Variants in FAM241A observed in about 807,000 individuals in gnomAD.
FAM241A encodes uncharacterized protein FAM241A.
In FAM241A, 7 loss-of-function variants were observed where a neutral mutation model predicts 12.2. That is an observed-to-expected ratio of 0.58 (90% CI 0.33 to 1.08). The LOEUF (loss-of-function observed/expected upper bound fraction) is 1.08, where lower values mean the gene tolerates loss of function less well. FAM241A is among the 50% of genes least tolerant of loss of function. The pLI, the probability that FAM241A is intolerant of heterozygous loss-of-function variation, is 0.04. For missense variants in FAM241A, 161 were observed against 169.7 expected (o/e 0.95, Z 0.29); for synonymous variants, 74 against 68.2 (o/e 1.08, Z -0.42).
intron 1 of FAM241A, among the ~76,000 whole-genome samples, chr4:112,177,499 C>G (rs1578378090): frequency 6.6e-6 from 1 of 152,042 alleles, no homozygotes; most frequent in African/African-American, 2.4e-5. Flanking sequence ...GGTCAGTGTC[C>G]AGACATTTAA....
Position 112,190,371 on chromosome 4 carries a change from G to A in FAM241A, c.*3433G>A, listed in dbSNP as rs1026825573. 1 of 151,746 alleles carries A rather than the reference G, an allele frequency of 6.6e-6. No homozygotes were observed. The highest frequency in any genetic ancestry group is 2.4e-5 in the African/African-American group (1 of 41,294). The allele number at this position is 151,746 out of a possible 1,614,324, so 9.4% of individuals were successfully genotyped here. A position where few individuals can be genotyped will look rare whatever the true frequency, so the allele number is the denominator to read the frequency against. On this transcript the variant is annotated 3_prime_UTR_variant, in exon 2 of 2. Coordinates refer to ENST00000309733, the MANE Select transcript of FAM241A (RefSeq NM_152400.3). Reference sequence around the variant, plus strand: ...ATTACCAATTTATGGCTTTACAATTGAAGGGAGAAAAAAAAATGTAAGACG... The same window carrying A: ...ATTACCAATTTATGGCTTTACAATTAAAGGGAGAAAAAAAAATGTAAGACG...
chr4:112,156,938 G>A (rs1170874458), intron 1 of FAM241A, among the ~76,000 whole-genome samples: 1 of 152,076 alleles, frequency 6.6e-6, no homozygotes, highest in Non-Finnish European at 1.5e-5. Context: ...TTTGAATTCT[G>A]TTTTTTGTTT....
chr4:112,153,011 C>T (rs932014273), intron 1 of FAM241A, among the ~76,000 whole-genome samples: 15 of 152,042 alleles, frequency 9.9e-5, no homozygotes, highest in Non-Finnish European at 1.5e-4. Context: ...TCTGGTTTTC[C>T]TCCCCTTATT....
intron 1 of FAM241A, among the ~76,000 whole-genome samples, chr4:112,177,524 T>C (rs1014710386): frequency 2.0e-5 from 3 of 152,164 alleles, no homozygotes; most frequent in Non-Finnish European, 2.9e-5. Context: ...TCTTAAACTT[T>C]ACAGTTTCCT....
At chr4:112,145,775 G>T (rs1723123528) in intron 1 of FAM241A, 42 bp downstream of exon 1, 1 of 1,134,702 alleles carries the variant, frequency 8.8e-7, no homozygotes, top group East Asian at 4.3e-5. Flanking sequence ...CCGGGTCGGG[G>T]GCCGCGAGCC....
At chr4:112,171,414 A>G (rs1365041025) in intron 1 of FAM241A, 2 of 770,326 alleles carry the variant, frequency 2.6e-6, no homozygotes, top group Admixed American at 3.4e-5. Flanking sequence ...TGATTGTGCT[A>G]AGGCTTGAGT....
At chr4:112,167,100 C>T (rs1374835909) in intron 1 of FAM241A, among the ~76,000 whole-genome samples, 1 of 137,272 alleles carries the variant, frequency 7.3e-6, no homozygotes, top group Non-Finnish European at 1.5e-5. Context: ...GGCGACAGAG[C>T]GAGACTCCGT....
intron 1 of FAM241A, among the ~76,000 whole-genome samples, chr4:112,151,062 C>T (rs565622426): frequency 1.3e-5 from 2 of 152,148 alleles, no homozygotes; most frequent in South Asian, 4.1e-4. Context: ...TTTGTTGCCT[C>T]CAAATCTCAT....
rs1312666660 is a variant in FAM241A at position 112,189,044 on chromosome 4, A to G, written c.*2106A>G. 1 of 152,206 alleles carries G rather than the reference A, an allele frequency of 6.6e-6. No individual in the cohort carries two copies. The highest frequency in any genetic ancestry group is 2.4e-5 in the African/African-American group (1 of 41,462). The allele number at this position is 152,206 out of a possible 1,614,324, so 9.4% of individuals were successfully genotyped here. On this transcript the variant is annotated 3_prime_UTR_variant, in exon 2 of 2. Coordinates refer to ENST00000309733, the MANE Select transcript of FAM241A (RefSeq NM_152400.3). ...TGAAATATATTAGAATGCAGATTAT[A>G]CTAATATCCTGAAATAAAACTGGTA...
At chr4:112,148,510 C>A (rs562285350) in intron 1 of FAM241A, among the ~76,000 whole-genome samples, 1 of 152,020 alleles carries the variant, frequency 6.6e-6, no homozygotes, top group Admixed American at 6.5e-5. Flanking sequence ...CCAGGTAGGG[C>A]GATTGACAAA....
At position 112,188,344 on chromosome 4, in the gene FAM241A, C is replaced by T. The variant is rs1272808131; in HGVS notation, c.*1406C>T. 1 of 152,102 alleles carries T rather than the reference C, an allele frequency of 6.6e-6. No homozygotes were observed. Among genetic ancestry groups the T allele is most frequent in the Non-Finnish European group, 1.5e-5 (1 of 67,984 alleles). 9.4% of individuals were successfully genotyped at this position (152,102 alleles called of 1,614,324 possible). On this transcript the variant is annotated 3_prime_UTR_variant, in exon 2 of 2. Transcript: ENST00000309733. ...CTTTTACCCAATCTTATTTCTAAAC[C>T]TCTGTGCATTCTTAGTGTCTTCTCA...
rs1724082957 is a variant in FAM241A, at chr4:112,188,147, G to A, written c.*1209G>A. The stretch of plus-strand genomic sequence containing the variant: ...TGGCTTTAGTGATATTTTGGGTTTT[G>A]TTAGAGAACCTAAAATCTTTACACT... On this transcript the variant is annotated 3_prime_UTR_variant, in exon 2 of 2. Coordinates refer to ENST00000309733, the MANE Select transcript of FAM241A (RefSeq NM_152400.3). The A allele has an allele frequency of 6.6e-6, 1 of 152,092 alleles. No homozygotes were observed. The highest frequency in any genetic ancestry group is 1.9e-4 in the East Asian group (1 of 5,196). 9.4% of individuals were successfully genotyped at this position (152,092 alleles called of 1,614,324 possible).
chr4:112,186,328 A>C (rs1366013273), intron 1 of FAM241A, among the ~76,000 whole-genome samples: 2 of 152,208 alleles, frequency 1.3e-5, no homozygotes, highest in African/African-American at 4.8e-5. Flanking sequence ...TAATAACAGC[A>C]AACATGCTTT....
intron 1 of FAM241A, among the ~76,000 whole-genome samples, chr4:112,180,218 A>G (rs1723906649): frequency 1.3e-5 from 2 of 151,970 alleles, no homozygotes; most frequent in Non-Finnish European, 2.9e-5. Flanking sequence ...GGAGGAAGAA[A>G]GTGGAGTGTG....
At chr4:112,171,391 A>G (rs1226918320) in intron 1 of FAM241A, 5 of 767,176 alleles carry the variant, frequency 6.5e-6, no homozygotes, top group Admixed American at 1.7e-5. Context: ...TTCTGGAAAT[A>G]AAACTACAAA....
chr4:112,183,289 A>T (rs1156530351), intron 1 of FAM241A, among the ~76,000 whole-genome samples: 1 of 151,082 alleles, frequency 6.6e-6, no homozygotes, highest in Non-Finnish European at 1.5e-5. Flanking sequence ...TTTTATAATT[A>T]AAAAAAAAGA....
chr4:112,173,638 A>G (rs1266719682), intron 1 of FAM241A, among the ~76,000 whole-genome samples: 1 of 152,222 alleles, frequency 6.6e-6, no homozygotes, highest in Non-Finnish European at 1.5e-5. Context: ...GAACTGCCTG[A>G]TTAAATGGAT....
At chr4:112,164,315 T>C (rs1723548290) in intron 1 of FAM241A, among the ~76,000 whole-genome samples, 1 of 150,784 alleles carries the variant, frequency 6.6e-6, no homozygotes, top group Non-Finnish European at 1.5e-5. Context: ...TGGATGAAGC[T>C]GGATATCATC....
Position 112,158,967 on chromosome 4 carries a change from C to T in FAM241A, c.153+13234C>T, listed in dbSNP as rs543301651. Among the ~76,000 whole-genome samples the T allele has an allele frequency of 2.4e-4, 36 of 152,176 alleles. No individual in the cohort carries two copies. In the South Asian group the frequency reaches 5.4e-3, roughly 23 times the overall value. On this transcript the variant is annotated intron_variant, in intron 1 of 1. Transcript: ENST00000309733. ...ATGATTGTGCTTTATCACCCCTTTT[C>T]CCCCCATACATACATACTTCCCAGC...
Sources: gnomAD v4.1 joint callset for allele counts (sites outside exome capture counted in the v4.1 genomes callset) on GRCh38, gnomAD v4.1.1 for gene constraint, MANE v1.5 for transcripts, NCBI Gene and HGNC (gene_info 2026-07-23, HGNC 2026-07-21) for gene names.